INTS4: variants seen among roughly 807,000 people sequenced by gnomAD.
The protein encoded by INTS4 is MSTP093.
INTS4 carries 70 observed loss-of-function variants against 119.5 expected under a neutral mutation model. The ratio of observed to expected loss-of-function variants is 0.59; its 90% CI spans 0.48 to 0.71. INTS4 has a LOEUF of 0.71. Ranked by LOEUF, INTS4 falls within the 30% of genes least tolerant of loss-of-function variation. The pLI is 0.00. For synonymous variants in INTS4, 316 were observed against 419.6 expected (o/e 0.75, Z 3.02); for missense variants, 867 against 1,173.2 (o/e 0.74, Z 3.81).
chr11:77,971,651 A>C (rs2136617336), intron 4 of INTS4, among the ~76,000 whole-genome samples: 1 of 151,910 alleles, frequency 6.6e-6, no homozygotes, highest in Middle Eastern at 3.4e-3. Flanking sequence ...TCAAAAAAAC[A>C]AAAAAAACAA....
chr11:77,927,277 A>C (rs1267226391), intron 11 of INTS4, among the ~76,000 whole-genome samples: 1 of 152,212 alleles, frequency 6.6e-6, no homozygotes, highest in Non-Finnish European at 1.5e-5. Context: ...TTTTTAGGAA[A>C]AAATACATGA....
chr11:77,936,743 G>C (rs560406540), intron 10 of INTS4, among the ~76,000 whole-genome samples: 1 of 151,872 alleles, frequency 6.6e-6, no homozygotes, highest in Non-Finnish European at 1.5e-5. Context: ...AACACAAAGA[G>C]AAAATAAAAA....
intron 8 of INTS4, among the ~76,000 whole-genome samples, chr11:77,952,007 G>A (rs1473051115): frequency 6.6e-6 from 1 of 152,160 alleles, no homozygotes. Context: ...TAAAAAGTCA[G>A]GAAACAACAG....
At chr11:77,982,136 C>CTTTT (rs777434800) in intron 2 of INTS4, among the ~76,000 whole-genome samples, 2 of 131,328 alleles carry the variant, frequency 1.5e-5, no homozygotes, top group African/African-American at 2.8e-5. Flanking sequence ...TTCTACCTGT[C>CTTTT]TTTTTTTTTT....
intron 10 of INTS4, among the ~76,000 whole-genome samples, chr11:77,929,060 C>T (rs1377888191): frequency 1.3e-5 from 2 of 151,536 alleles, no homozygotes; most frequent in African/African-American, 4.8e-5. Context: ...ACAAAAACTG[C>T]ACATCAGCCA....
chr11:77,885,861 G>A (rs1951984059), intron 21 of INTS4, among the ~76,000 whole-genome samples: 1 of 151,676 alleles, frequency 6.6e-6, no homozygotes, highest in African/African-American at 2.4e-5. Flanking sequence ...GCAGAGGGGG[G>A]CTGAAACAGC....
chr11:77,936,696 C>T (rs1030097439), intron 10 of INTS4, among the ~76,000 whole-genome samples: 3 of 151,808 alleles, frequency 2.0e-5, no homozygotes, highest in Admixed American at 6.6e-5. Flanking sequence ...TATCTTGCAA[C>T]GCTCAAAGAC....
intron 2 of INTS4, among the ~76,000 whole-genome samples, chr11:77,990,367 G>T (rs1464755838): frequency 6.6e-6 from 1 of 152,080 alleles, no homozygotes; most frequent in Non-Finnish European, 1.5e-5. Flanking sequence ...CTCTAGGCTG[G>T]GTGACAGTGA....
intron 4 of INTS4, among the ~76,000 whole-genome samples, chr11:77,970,699 T>G (rs1855695490): frequency 6.7e-6 from 1 of 149,628 alleles, no homozygotes; most frequent in Non-Finnish European, 1.5e-5. Flanking sequence ...CATGGTGGCA[T>G]GCACCTATAG....
intron 18 of INTS4, among the ~76,000 whole-genome samples, chr11:77,899,788 T>C (rs7936105): frequency 0.44 from 67,321 of 151,904 alleles, 15,059 homozygotes; most frequent in African/African-American, 0.48. Context: ...GTGAAAGGAA[T>C]AGGAGGCAGA....
intron 8 of INTS4, among the ~76,000 whole-genome samples, chr11:77,946,687 G>A (rs1954055260): frequency 6.6e-6 from 1 of 151,814 alleles, no homozygotes; most frequent in Non-Finnish European, 1.5e-5. Flanking sequence ...CTTAAACCCA[G>A]GAGGAGAAGG....
downstream of INTS4, among the ~76,000 whole-genome samples, chr11:77,875,702 G>C (rs1158874300): frequency 6.6e-6 from 1 of 152,154 alleles, no homozygotes; most frequent in Non-Finnish European, 1.5e-5. Flanking sequence ...ATATAGTATA[G>C]GAGGCTGTGG....
intron 2 of INTS4, among the ~76,000 whole-genome samples, chr11:77,990,899 T>A (rs1856656665): frequency 6.6e-6 from 1 of 152,174 alleles, no homozygotes; most frequent in Non-Finnish European, 1.5e-5. Flanking sequence ...ATCATTGACA[T>A]GTCTTGTTTC....
At chr11:77,952,065 G>T (rs1013533158) in intron 8 of INTS4, among the ~76,000 whole-genome samples, 3 of 152,176 alleles carry the variant, frequency 2.0e-5, no homozygotes, top group African/African-American at 7.2e-5. Flanking sequence ...CACTGTTGGT[G>T]GGACTGTAAA....
intron 8 of INTS4, among the ~76,000 whole-genome samples, chr11:77,942,076 T>C (rs1953941115): frequency 6.6e-6 from 1 of 152,160 alleles, no homozygotes; most frequent in Non-Finnish European, 1.5e-5. Flanking sequence ...ATGCATTCAA[T>C]TAAACAAATA....
intron 10 of INTS4, among the ~76,000 whole-genome samples, chr11:77,937,214 A>G (rs1235775064): frequency 6.6e-6 from 1 of 152,108 alleles, no homozygotes; most frequent in Admixed American, 6.5e-5. Context: ...TAATAGCAAA[A>G]AAAAAATTTC....
intron 7 of INTS4, among the ~76,000 whole-genome samples, chr11:77,957,694 T>C (rs1004446965): frequency 7.7e-6 from 1 of 130,546 alleles, no homozygotes; most frequent in Non-Finnish European, 1.6e-5. Flanking sequence ...TGAGAGAAAG[T>C]GTCTTGCTCT....
At chr11:77,876,518 C>G (rs1479147353), downstream of INTS4, among the ~76,000 whole-genome samples, 1 of 151,932 alleles carries the variant, frequency 6.6e-6, no homozygotes, top group Admixed American at 6.6e-5. Context: ...AAGTTGAGCC[C>G]AACCCCGATA....
intron 4 of INTS4, among the ~76,000 whole-genome samples, chr11:77,970,740 G>A (rs935659905): frequency 6.6e-6 from 1 of 152,026 alleles, no homozygotes; most frequent in South Asian, 2.1e-4. Context: ...GAGGCAGGAG[G>A]ATCACTTGAG....
Sources: allele counts gnomAD v4.1 joint callset (sites outside exome capture counted in the v4.1 genomes callset), GRCh38; gene constraint gnomAD v4.1.1; transcripts MANE v1.5; gene names NCBI Gene and HGNC (gene_info 2026-07-23, HGNC 2026-07-21).